SLC6A18: variants seen among roughly 807,000 people sequenced by gnomAD.
SLC6A18 encodes the protein inactive sodium-dependent neutral amino acid transporter B(0)AT3.
SLC6A18 carries 58 observed loss-of-function variants against 62.9 expected under a neutral mutation model. The observed-to-expected ratio is 0.92, with a 90% confidence interval of 0.75 to 1.15. The LOEUF is 1.15. SLC6A18 is among the 50% of genes most tolerant of loss of function. The probability of loss-of-function intolerance (pLI) is 0.00; values close to 1 mark genes in which losing one functional copy is unlikely to be tolerated. For synonymous variants in SLC6A18, 382 were observed against 365.8 expected, an observed-to-expected ratio of 1.04 and a Z score of -0.51; for missense variants, 793 against 836.6, an observed-to-expected ratio of 0.95 and a Z score of 0.64.
rs1747138118 is a variant in SLC6A18, at chr5:1,243,858, A to G, written c.1336+99A>G. ...ACGCCCCTCCTGGATGGAGAGCGCA[A>G]GGGGCCAAGCCTGAGTTCAGGGAAA... On this transcript the variant is annotated intron_variant, in intron 9 of 11. Coordinates refer to ENST00000324642, the MANE Select transcript of SLC6A18 (RefSeq NM_182632.3). The surrounding 1 kb of genome is among the most constrained non-coding windows in gnomAD (Gnocchi z 6.5). The G allele has an allele frequency of 2.2e-5, 26 of 1,174,802 alleles. No individual in the cohort carries two copies. Among genetic ancestry groups the G allele is most frequent in the Non-Finnish European group, 2.8e-5 (24 of 851,744 alleles). 72.8% of individuals were successfully genotyped at this position (1,174,802 alleles called of 1,614,324 possible). A position where few individuals can be genotyped will look rare whatever the true frequency, so the allele number is the denominator to read the frequency against.
chr5:1,229,314 C>T (rs913998508), intron 1 of SLC6A18, among the ~76,000 whole-genome samples: 1 of 151,914 alleles, frequency 6.6e-6, no homozygotes, highest in African/African-American at 2.4e-5. Context: ...CACAGAAACC[C>T]TCAATTCACA....
Position 1,235,574 on chromosome 5 carries a change from C to G in SLC6A18, c.533C>G (p.Ser178Cys). The change falls in exon 4 of 12, where the codon TCC (serine) becomes TGC (cysteine). Residue 178 changes from serine to cysteine, a missense_variant. By Grantham distance (112) the Ser-to-Cys change is moderately radical. Transcript: ENST00000324642. ...NITADINDSG[S>C]IQWWLLICLA... ...ACAGCCGACATCAATGACAGTGGCT[C>G]CATCCAGTGGTGGCTGCTCATCTGC... is the stretch of plus-strand genomic sequence containing the variant. 1 of 1,614,064 alleles carries G rather than the reference C, an allele frequency of 6.2e-7. No individual in the cohort carries two copies. Among genetic ancestry groups the G allele is most frequent in the African/African-American group, 1.3e-5 (1 of 75,060 alleles).
rs1747155666 is a variant in SLC6A18, at chr5:1,244,352, T to C, written c.1475T>C (p.Val492Ala). Reference protein sequence around the residue: ...MLAFLEVVGVVYVYGMKRFCD... With the variant: ...MLAFLEVVGVAYVYGMKRFCD... ...GCCTTTCTCGAGGTTGTGGGTGTCG[T>C]TTATGTTTATGGAATGAAACGGTGA... The change falls in exon 10 of 12, where the codon GTT becomes GCT. Residue 492 changes from valine to alanine, a missense_variant. Coordinates refer to ENST00000324642, the MANE Select transcript of SLC6A18 (RefSeq NM_182632.3). 5 of 1,613,946 alleles carry C rather than the reference T, an allele frequency of 3.1e-6. No homozygotes were observed. The highest frequency in any genetic ancestry group is 1.3e-5 in the African/African-American group (1 of 74,942).
In SLC6A18 at chr5:1,242,834, G is replaced by A. The variant is rs866974374; in HGVS notation, c.1102G>A (p.Ala368Thr). The change falls in exon 8 of 12, where the codon GCC (alanine) becomes ACC (threonine). Residue 368 changes from alanine to threonine, a missense_variant. Ala to Thr is a moderately conservative substitution (Grantham distance 58). Coordinates refer to ENST00000324642, the MANE Select transcript of SLC6A18 (RefSeq NM_182632.3). ...PKRVAQLPLK[A>T]CLLEDFLDKS... is the part of the protein sequence containing the mutation. ...GAGGGTGGCCCAGCTCCCCCTGAAG[G>A]CCTGCCTCCTGGAAGACTTTCTGGA... 3.1e-6 allele frequency: 5 copies of A among 1,612,636 alleles called. No individual in the cohort carries two copies. Among genetic ancestry groups the A allele is most frequent in the African/African-American group, 2.7e-5 (2 of 74,968 alleles).
At chr5:1,228,301 G>C (rs1746635390) in intron 1 of SLC6A18, among the ~76,000 whole-genome samples, 1 of 152,208 alleles carries the variant, frequency 6.6e-6, no homozygotes, top group Non-Finnish European at 1.5e-5. Flanking sequence ...CCCAGGCAGT[G>C]GGGGCTGGCA....
chr5:1,245,878 T>C lies in SLC6A18; in HGVS notation c.1687T>C (p.Tyr563His), dbSNP rs769465734. Residue 563 changes from tyrosine to histidine, a missense_variant, in exon 12 of 12, where the codon TAC becomes CAC. Coordinates refer to ENST00000324642, the MANE Select transcript of SLC6A18 (RefSeq NM_182632.3). ...GTTCCCCTCGCGTCAGGAGAAGCTC[T>C]ACCCGGGCTGGGCGCGCGCCGCCTG... is the stretch of plus-strand genomic sequence containing the variant. ...ELFPSRQEKL[Y>H]PGWARAACVL... 7.5e-6 allele frequency: 12 copies of C among 1,608,276 alleles called. No individual in the cohort carries two copies. The Admixed American group carries it at 1.7e-4, about 22-fold the overall frequency.
At chr5:1,226,973 C>CCGAT (rs1746590211) in intron 1 of SLC6A18, among the ~76,000 whole-genome samples, 4 of 101,930 alleles carry the variant, frequency 3.9e-5, no homozygotes, top group Admixed American at 9.3e-5. Context: ...TGCCCACCGA[C>CCGAT]GCCTTGCCCA....
rs1483944941 is a variant in SLC6A18 at position 1,244,280 on chromosome 5, T to A, written c.1403T>A (p.Leu468Gln). 1 of 1,613,798 alleles carries A rather than the reference T, an allele frequency of 6.2e-7. No homozygotes were observed. Among genetic ancestry groups the A allele is most frequent in the Non-Finnish European group, 8.5e-7 (1 of 1,179,942 alleles). The change falls in exon 10 of 12, where the codon CTG becomes CAG. Residue 468 changes from leucine to glutamine, a missense_variant. Physicochemically the swap from Leu to Gln is moderately radical, Grantham distance 113. Transcript: ENST00000324642. ...ACGCTGCAGTCTGGGAACTACTGGC[T>A]GGAGATTTTCGACAATTTTGCCGCT... ...CFTLQSGNYW[L>Q]EIFDNFAASP...
rs1300024052 is a variant in SLC6A18, at chr5:1,243,668, A to G, written c.1245A>G (p.Leu415=). The part of the protein sequence containing the change: ...LFFGMLFTLG[L]STMFGTVEAV... ...TCGGGATGCTGTTCACCTTGGGGCT[A>G]TCGACCATGTTCGGGACCGTGGAGG... The change falls in exon 9 of 12, where the codon CTA becomes CTG. Residue 415 remains leucine (L), a synonymous_variant. Coordinates refer to ENST00000324642, the MANE Select transcript of SLC6A18 (RefSeq NM_182632.3). The surrounding 1 kb of genome is among the most constrained non-coding windows in gnomAD (Gnocchi z 6.5). The G allele has an allele frequency of 6.2e-7, 1 of 1,614,010 alleles. No homozygotes were observed. The highest frequency in any genetic ancestry group is 1.1e-5 in the South Asian group (1 of 91,084).
chr5:1,231,612 C>T (rs1356876200), intron 1 of SLC6A18, among the ~76,000 whole-genome samples: 1 of 152,230 alleles, frequency 6.6e-6, no homozygotes, highest in Non-Finnish European at 1.5e-5. Flanking sequence ...CCAACAAGAG[C>T]AGCATGAAGC....
rs780757354 is a variant in SLC6A18 at position 1,237,995 on chromosome 5, T to TA, written c.667_668insA (p.Phe223TyrfsTer62). ...GTTCCCTTACCTGGTCCTGACCATC[T>TA]TTCTCATCAGAGGGCTGACCCTGCC... is the stretch of plus-strand genomic sequence containing the variant. On this transcript the variant is annotated frameshift_variant, in exon 5 of 12. Coordinates refer to ENST00000324642, the MANE Select transcript of SLC6A18 (RefSeq NM_182632.3). LOFTEE classifies it high-confidence loss of function. 2.2e-4 allele frequency: 359 copies of TA among 1,614,128 alleles called. No homozygotes were observed. Among genetic ancestry groups the TA allele is most frequent in the Non-Finnish European group, 2.9e-4 (345 of 1,180,042 alleles).
intron 1 of SLC6A18, among the ~76,000 whole-genome samples, chr5:1,227,171 C>T (rs1314721061): frequency 2.6e-5 from 4 of 151,942 alleles, no homozygotes; most frequent in East Asian, 3.9e-4. Context: ...ATGCCTTGCC[C>T]GCCGATGCCT....
In SLC6A18 at chr5:1,225,531, GC is replaced by G. The variant is rs757863200; in HGVS notation, c.57del (p.Lys20SerfsTer10). ...CCGCCTGCGACCTCGGGGATGAGAG[GC>G]CCAAGTGGGACAACAAGGCCCAGTA... The part of the protein sequence containing the change: ...PAACDLGDER[P>X]KWDNKAQYLL... On this transcript the variant is annotated frameshift_variant, in exon 1 of 12. Transcript: ENST00000324642. LOFTEE classifies it high-confidence loss of function. 17 of 1,613,514 alleles carry G rather than the reference GC, an allele frequency of 1.1e-5. 2 individuals carry two copies. The South Asian group carries it at 1.9e-4, about 18-fold the overall frequency.
At chr5:1,239,169 T>C (rs551270267) in intron 5 of SLC6A18, among the ~76,000 whole-genome samples, 1 of 152,220 alleles carries the variant, frequency 6.6e-6, no homozygotes, top group Admixed American at 6.5e-5. Flanking sequence ...CTCAAACCCA[T>C]CTCCAGCCCC....
rs377615252 is a variant in SLC6A18 at position 1,243,751 on chromosome 5, C to A, written c.1328C>A (p.Ala443Asp). Residue 443 changes from alanine to aspartate, a missense_variant, in exon 9 of 12, where the codon GCC (alanine) becomes GAC (aspartate). Coordinates refer to ENST00000324642, the MANE Select transcript of SLC6A18 (RefSeq NM_182632.3). This position sits in a 1 kb window ranked among gnomAD's most constrained non-coding sequence, Gnocchi z 6.5. ...CTGCCTAGATGGGTCCCCAAGGAGGCCCTGACTGGTGAGCGCACAGCTCCG... is the reference window on the plus strand; with the variant it reads ...CTGCCTAGATGGGTCCCCAAGGAGGACCTGACTGGTGAGCGCACAGCTCCG... ...GVLPRWVPKEALTGLVCLVCF... is the reference protein window; with the variant it reads ...GVLPRWVPKEDLTGLVCLVCF... 2.5e-6 allele frequency: 4 copies of A among 1,605,406 alleles called. No homozygotes were observed. The South Asian group carries it at 3.3e-5, about 13-fold the overall frequency.
In SLC6A18 at chr5:1,239,469, C is replaced by T; in HGVS notation, c.752C>T (p.Pro251Leu). 1.2e-6 allele frequency: 2 copies of T among 1,614,120 alleles called. No homozygotes were observed. Among genetic ancestry groups the T allele is most frequent in the Non-Finnish European group, 1.7e-6 (2 of 1,179,950 alleles). ...FTPNMHILQN[P>L]RVWLDAATQI... The stretch of plus-strand genomic sequence containing the variant: ...TTCCAGATGCACATTCTCCAGAACC[C>T]CCGGGTGTGGCTGGACGCAGCCACC... The change falls in exon 6 of 12, where the codon CCC becomes CTC. Residue 251 changes from proline to leucine, a missense_variant. Pro to Leu is a moderately conservative substitution (Grantham distance 98). Coordinates refer to ENST00000324642, the MANE Select transcript of SLC6A18 (RefSeq NM_182632.3).
intron 6 of SLC6A18, 122 bp downstream of exon 6, chr5:1,239,684 T>C (rs1482757635): frequency 4.0e-6 from 3 of 741,362 alleles, no homozygotes; most frequent in Non-Finnish European, 6.8e-6. Context: ...GATAAGAACC[T>C]CACGCCACAG....
chr5:1,228,207 C>T (rs966485010), intron 1 of SLC6A18, among the ~76,000 whole-genome samples: 2 of 152,158 alleles, frequency 1.3e-5, no homozygotes, highest in Admixed American at 6.5e-5. Flanking sequence ...AGAGATTCTT[C>T]GGCGCTCCCT....
At chr5:1,237,804 T>G (rs962021582) in intron 4 of SLC6A18, 146 bp from the exon 5 acceptor site, 17 of 634,074 alleles carry the variant, frequency 2.7e-5, no homozygotes, top group Non-Finnish European at 4.5e-5. Context: ...TCCCCCAAGG[T>G]GCACCCCCAT....
Sources: allele counts gnomAD v4.1 joint callset (sites outside exome capture counted in the v4.1 genomes callset), GRCh38; gene constraint gnomAD v4.1.1; non-coding constraint Gnocchi (gnomAD v3.1); transcripts MANE v1.5; gene names NCBI Gene and HGNC (gene_info 2026-07-23, HGNC 2026-07-21).